KIAA0319L: variants seen among roughly 807,000 people sequenced by gnomAD.
The protein encoded by KIAA0319L is dyslexia-associated protein KIAA0319-like protein.
In KIAA0319L, 55 loss-of-function variants were observed where a neutral mutation model predicts 120.1. The observed-to-expected ratio is 0.46, with a 90% CI of 0.37 to 0.57. The LOEUF (loss-of-function observed/expected upper bound fraction) is 0.57. Among genes scored for constraint, KIAA0319L ranks in the 20% least tolerant of loss-of-function variants. The pLI, the probability that KIAA0319L is intolerant of heterozygous loss-of-function variation, is 0.00. For missense variants in KIAA0319L, 1,049 were observed against 1,255.3 expected (o/e 0.84, Z 2.48); for synonymous variants, 398 against 471.9 (o/e 0.84, Z 2.03).
In KIAA0319L at chr1:35,449,873, T is replaced by G. The variant is rs781642469; in HGVS notation, c.2347A>C (p.Lys783Gln). 1.9e-6 allele frequency: 3 copies of G among 1,613,996 alleles called. No homozygotes were observed. Among genetic ancestry groups the G allele is most frequent in the Non-Finnish European group, 2.5e-6 (3 of 1,180,010 alleles). Residue 783 changes from lysine to glutamine, a missense_variant, in exon 15 of 21, where the codon AAA (lysine) becomes CAA (glutamine). By Grantham distance (53) the Lys-to-Gln change is moderately conservative. Transcript: ENST00000325722. ...CATCACTAAATGAACTCACCAGGTTTCACCTCCACAGTGGTCCGGTCTGTG... is the reference window on the plus strand; with the variant it reads ...CATCACTAAATGAACTCACCAGGTTGCACCTCCACAGTGGTCCGGTCTGTG... ...SDTDRTTVEV[K>Q]PDPRKNNLVE...
chr1:35,450,107 T>G, intron 14 of KIAA0319L, 102 bp from the exon 15 acceptor site: 2 of 1,408,592 alleles, frequency 1.4e-6, no homozygotes, highest in Non-Finnish European at 2.0e-6. Flanking sequence ...AGGGCTGAAC[T>G]GTTTCAACCT....
At chr1:35,469,122 G>C (rs984691354) in intron 6 of KIAA0319L, among the ~76,000 whole-genome samples, 1 of 152,104 alleles carries the variant, frequency 6.6e-6, no homozygotes, top group Non-Finnish European at 1.5e-5. Flanking sequence ...TCTACCTCCT[G>C]GGCTCAAGCG....
At chr1:35,476,480 G>C (rs936253084) in intron 4 of KIAA0319L, among the ~76,000 whole-genome samples, 1 of 152,156 alleles carries the variant, frequency 6.6e-6, no homozygotes, top group Non-Finnish European at 1.5e-5. Flanking sequence ...TATGAAACTT[G>C]AGATTTATCC....
chr1:35,443,834 G>A (rs1641410969), intron 17 of KIAA0319L, among the ~76,000 whole-genome samples: 1 of 152,174 alleles, frequency 6.6e-6, no homozygotes, highest in Admixed American at 6.5e-5. Flanking sequence ...CAAAGCCACA[G>A]GTTCTGTTGA....
chr1:35,457,278 C>T (rs569824586), intron 9 of KIAA0319L, among the ~76,000 whole-genome samples: 98 of 152,152 alleles, frequency 6.4e-4, no homozygotes, highest in Non-Finnish European at 1.1e-3. Flanking sequence ...TCCCTATTCC[C>T]GATTCCCTAC....
rs1258671965 is a variant in KIAA0319L at position 35,557,312 on chromosome 1, GGAGGAGGAA to G, written c.-143_-135del. 1 of 233,628 alleles carries G rather than the reference GGAGGAGGAA, an allele frequency of 4.3e-6. No homozygotes were observed. Among genetic ancestry groups the G allele is most frequent in the African/African-American group, 2.4e-5 (1 of 41,870 alleles). The allele number at this position is 233,628 out of a possible 1,614,324, so 14.5% of individuals were successfully genotyped here. On this transcript the variant is annotated 5_prime_UTR_variant, in exon 1 of 21. Transcript: ENST00000325722. ...ACCTTCGCTCCCCTCACCCGGAGGAGGAGGAGGAAGAGGAAGAAGGTAGTGCGGGCTCCC... is the reference window on the plus strand; with the variant it reads ...ACCTTCGCTCCCCTCACCCGGAGGAGGAGGAAGAAGGTAGTGCGGGCTCCC...
Position 35,434,702 on chromosome 1 carries a change from C to T in KIAA0319L, c.*192G>A. ...CCACCAGACAGGTTTAAAGAGGAAA[C>T]CTCTTCATTCACAGCTTCGTTGAGG... On this transcript the variant is annotated 3_prime_UTR_variant, in exon 21 of 21. Transcript: ENST00000325722. 1.7e-6 allele frequency: 1 copy of T among 571,876 alleles called. No homozygotes were observed. The highest frequency in any genetic ancestry group is 3.1e-6 in the Non-Finnish European group (1 of 325,504). The allele number at this position is 571,876 out of a possible 1,614,324, so 35.4% of individuals were successfully genotyped here. A position where few individuals can be genotyped will look rare whatever the true frequency, so the allele number is the denominator to read the frequency against.
intron 2 of KIAA0319L, among the ~76,000 whole-genome samples, chr1:35,537,177 T>C (rs1646607113): frequency 6.6e-6 from 1 of 152,218 alleles, no homozygotes; most frequent in Non-Finnish European, 1.5e-5. Flanking sequence ...AGATATGATG[T>C]CGTGAATCTA....
intron 6 of KIAA0319L, among the ~76,000 whole-genome samples, chr1:35,470,638 A>G (rs1381229865): frequency 6.6e-6 from 1 of 152,138 alleles, no homozygotes; most frequent in African/African-American, 2.4e-5. Context: ...TTTAGTGTAT[A>G]TTTTCAGCCA....
chr1:35,436,168 C>T (rs995771430), intron 20 of KIAA0319L, among the ~76,000 whole-genome samples: 2 of 152,182 alleles, frequency 1.3e-5, no homozygotes, highest in African/African-American at 4.8e-5. Context: ...AGAGGATTCC[C>T]AGCCATTCAG....
At position 35,442,249 on chromosome 1, in the gene KIAA0319L, T is replaced by C. The variant is rs754264570; in HGVS notation, c.2867A>G (p.Lys956Arg). The C allele has an allele frequency of 6.2e-7, 1 of 1,610,118 alleles. No individual in the cohort carries two copies. The highest frequency in any genetic ancestry group is 8.5e-7 in the Non-Finnish European group (1 of 1,176,396). Residue 956 changes from lysine to arginine, a missense_variant, in exon 19 of 21, where the codon AAG becomes AGG. By Grantham distance (26) the Lys-to-Arg change is conservative (BLOSUM62 2). Transcript: ENST00000325722. ...TTCAAAGGAAAATCCATCTTACCTC[T>C]TACAACAACAGATCACAGTCCAAGA... ...ILSWTVICCC[K>R]RQKGKPKRKS...
intron 4 of KIAA0319L, among the ~76,000 whole-genome samples, chr1:35,477,213 TAA>T (rs1643926231): frequency 6.6e-6 from 1 of 151,984 alleles, no homozygotes; most frequent in East Asian, 1.9e-4. Context: ...CCAGAATATA[TAA>T]AGAGTTCAAA....
At chr1:35,494,381 G>A (rs761249270) in intron 3 of KIAA0319L, among the ~76,000 whole-genome samples, 21 of 152,062 alleles carry the variant, frequency 1.4e-4, no homozygotes, top group Admixed American at 3.9e-4. Context: ...CCCGGGAGGC[G>A]GAGGTTAAGG....
At chr1:35,547,254 G>A (rs1647017765) in intron 2 of KIAA0319L, among the ~76,000 whole-genome samples, 1 of 146,760 alleles carries the variant, frequency 6.8e-6, no homozygotes, top group Non-Finnish European at 1.5e-5. Flanking sequence ...TATATAAATT[G>A]CATATATATT....
At chr1:35,514,930 G>C (rs1645618664) in intron 2 of KIAA0319L, among the ~76,000 whole-genome samples, 1 of 152,148 alleles carries the variant, frequency 6.6e-6, no homozygotes, top group Admixed American at 6.5e-5. Context: ...AAAAACAACA[G>C]AATATACATT....
intron 3 of KIAA0319L, among the ~76,000 whole-genome samples, chr1:35,502,047 G>C (rs1438499925): frequency 6.6e-6 from 1 of 152,042 alleles, no homozygotes; most frequent in African/African-American, 2.4e-5. Flanking sequence ...GGGAGGCAGA[G>C]GCAGGCGGAT....
At chr1:35,528,729 T>C (rs934552056) in intron 2 of KIAA0319L, among the ~76,000 whole-genome samples, 2 of 152,202 alleles carry the variant, frequency 1.3e-5, no homozygotes, top group Admixed American at 1.3e-4. Flanking sequence ...CCAACTATTA[T>C]TGTATTAGAG....
chr1:35,455,166 T>A (rs1216045008), intron 10 of KIAA0319L, among the ~76,000 whole-genome samples: 1 of 152,110 alleles, frequency 6.6e-6, no homozygotes, highest in Admixed American at 6.6e-5. Context: ...TTGCAAATAT[T>A]TTTTTTGGCC....
intron 9 of KIAA0319L, among the ~76,000 whole-genome samples, chr1:35,456,754 T>C (rs1482182861): frequency 1.3e-5 from 2 of 149,896 alleles, no homozygotes; most frequent in Non-Finnish European, 3.0e-5. Context: ...GACGTTGCAG[T>C]GAGCTGTGAT....
Sources: gnomAD v4.1 joint callset for allele counts (sites outside exome capture counted in the v4.1 genomes callset) on GRCh38, gnomAD v4.1.1 for gene constraint, MANE v1.5 for transcripts, NCBI Gene and HGNC (gene_info 2026-07-23, HGNC 2026-07-21) for gene names.